The following RALGPS2 variants were observed in gnomAD, a reference collection of about 807,000 sequenced individuals.
RALGPS2 encodes ras-specific guanine nucleotide-releasing factor RalGPS2.
A neutral mutation model predicts 86.8 loss-of-function variants in RALGPS2; 43 were observed. The observed-to-expected ratio is 0.50, with a 90% CI of 0.39 to 0.64. The LOEUF (loss-of-function observed/expected upper bound fraction) is 0.64. Ranked by LOEUF, RALGPS2 falls within the 30% of genes least tolerant of loss-of-function variation. RALGPS2 has a pLI of 0.00. For synonymous variants in RALGPS2, 243 were observed against 231.3 expected (o/e 1.05, Z -0.46); for missense variants, 536 against 694.6 (o/e 0.77, Z 2.57).
chr1:178,838,631 A>G (rs1303492298), intron 8 of RALGPS2, among the ~76,000 whole-genome samples: 1 of 152,142 alleles, frequency 6.6e-6, no homozygotes, highest in Non-Finnish European at 1.5e-5. Flanking sequence ...CTCCAAAGGA[A>G]TGCTTGCCAG....
At chr1:178,728,997 A>G (rs896256686) in intron 1 of RALGPS2, among the ~76,000 whole-genome samples, 2 of 152,230 alleles carry the variant, frequency 1.3e-5, no homozygotes, top group African/African-American at 4.8e-5. Context: ...AGCAGTGTTC[A>G]TATGACTTAG....
intron 4 of RALGPS2, among the ~76,000 whole-genome samples, chr1:178,787,811 C>G (rs1288074735): frequency 6.6e-6 from 1 of 152,130 alleles, no homozygotes; most frequent in African/African-American, 2.4e-5. Context: ...TGTCTTCTCT[C>G]AAGTGAATTA....
chr1:178,884,518 T>A (rs1659393850), intron 11 of RALGPS2, among the ~76,000 whole-genome samples: 1 of 152,144 alleles, frequency 6.6e-6, no homozygotes, highest in Non-Finnish European at 1.5e-5. Flanking sequence ...GGGAAGAATA[T>A]TCCAAGCAGA....
intron 4 of RALGPS2, among the ~76,000 whole-genome samples, chr1:178,796,868 A>G (rs1042096973): frequency 6.6e-6 from 1 of 152,194 alleles, no homozygotes; most frequent in Non-Finnish European, 1.5e-5. Flanking sequence ...AAAATTAATC[A>G]ATGAATATTC....
intron 15 of RALGPS2, 88 bp downstream of exon 15, chr1:178,892,395 T>C: frequency 1.8e-6 from 2 of 1,093,178 alleles, no homozygotes; most frequent in Non-Finnish European, 2.7e-6. Context: ...GTTATTTCTT[T>C]TCTTTCTCAA....
intron 7 of RALGPS2, among the ~76,000 whole-genome samples, chr1:178,822,883 G>A (rs772509849): frequency 1.2e-4 from 19 of 152,044 alleles, no homozygotes; most frequent in Non-Finnish European, 2.9e-5. Context: ...AGTGTAGCAC[G>A]ATCATAGCTT....
rs759554690 is a variant in RALGPS2 at position 178,908,747 on chromosome 1, CT to C, written c.1722+1885del. Among the ~76,000 whole-genome samples the C allele has an allele frequency of 3.7e-4, 57 of 152,150 alleles. 1 individual carries two copies. The highest frequency in any genetic ancestry group is 1.6e-4 in the Non-Finnish European group (11 of 68,014). ...AGTGTCTGTTCATGTCCTTTGCCCA[CT>C]TTTTAATGGGGTTGTTTTTTGCCTG... On this transcript the variant is annotated intron_variant, in intron 19 of 19. Coordinates refer to ENST00000367635, the MANE Select transcript of RALGPS2 (RefSeq NM_152663.5).
chr1:178,898,742 C>G (rs1194079369), intron 17 of RALGPS2, among the ~76,000 whole-genome samples: 1 of 151,810 alleles, frequency 6.6e-6, no homozygotes, highest in Non-Finnish European at 1.5e-5. Flanking sequence ...CTTTTTTGCT[C>G]ACTATTATTA....
intron 8 of RALGPS2, among the ~76,000 whole-genome samples, chr1:178,854,158 G>A (rs964067273): frequency 3.3e-5 from 5 of 151,994 alleles, no homozygotes; most frequent in Admixed American, 1.3e-4. Context: ...GAGGTTTTAT[G>A]GATTTTTGCT....
intron 2 of RALGPS2, among the ~76,000 whole-genome samples, chr1:178,781,024 A>T (rs1317140617): frequency 6.6e-6 from 1 of 151,714 alleles, no homozygotes; most frequent in Admixed American, 6.6e-5. Context: ...ATATATATAT[A>T]TATGTATGTG....
intron 17 of RALGPS2, among the ~76,000 whole-genome samples, chr1:178,900,432 G>A (rs1660118442): frequency 6.6e-6 from 1 of 151,788 alleles, no homozygotes; most frequent in Non-Finnish European, 1.5e-5. Context: ...CATGATATGG[G>A]GAAACAGACT....
At position 178,767,262 on chromosome 1, in the gene RALGPS2, A is replaced by G. The variant is rs189362921; in HGVS notation, c.-83-9420A>G. Among the ~76,000 whole-genome samples the G allele has an allele frequency of 1.3e-4, 20 of 152,210 alleles. 1 individual carries two copies. The East Asian group carries it at 3.5e-3, about 26-fold the overall frequency. On this transcript the variant is annotated intron_variant, in intron 1 of 19. Coordinates refer to ENST00000367635, the MANE Select transcript of RALGPS2 (RefSeq NM_152663.5). ...TGGGGAACCAATGTAGTTGGAGTTA[A>G]GACAGGACAGTCTGGCCTTTTGAGT... is the stretch of plus-strand genomic sequence containing the variant.
intron 1 of RALGPS2, among the ~76,000 whole-genome samples, chr1:178,736,111 GTA>G (rs1558094420): frequency 6.6e-6 from 1 of 150,888 alleles, no homozygotes; most frequent in Non-Finnish European, 1.5e-5. Flanking sequence ...CTTTAAAAAC[GTA>G]TATATGTTGA....
intron 1 of RALGPS2, among the ~76,000 whole-genome samples, chr1:178,773,686 C>T (rs947761420): frequency 6.6e-5 from 10 of 151,684 alleles, no homozygotes; most frequent in Non-Finnish European, 4.4e-5. Context: ...GTCCCAGCTA[C>T]TCAGGAGGCT....
chr1:178,916,526 G>T lies in RALGPS2; in HGVS notation c.*167G>T. ...GCACTAATTTCAGGGAATGATTTGA[G>T]ATATTCCCAGAGAACAAATTGGAGT... On this transcript the variant is annotated 3_prime_UTR_variant, in exon 20 of 20. Transcript: ENST00000367635. 1 of 599,048 alleles carries T rather than the reference G, an allele frequency of 1.7e-6. No individual in the cohort carries two copies. Among genetic ancestry groups the T allele is most frequent in the African/African-American group, 1.9e-5 (1 of 53,176 alleles). The allele number at this position is 599,048 out of a possible 1,614,324, so 37.1% of individuals were successfully genotyped here.
At chr1:178,832,539 TAATA>T (rs1656077866) in intron 7 of RALGPS2, among the ~76,000 whole-genome samples, 1 of 152,150 alleles carries the variant, frequency 6.6e-6, no homozygotes, top group Non-Finnish European at 1.5e-5. Flanking sequence ...ATCTCTAAAT[TAATA>T]CTCATACTTT....
At chr1:178,817,482 A>G (rs1655288817) in intron 6 of RALGPS2, among the ~76,000 whole-genome samples, 1 of 150,422 alleles carries the variant, frequency 6.6e-6, no homozygotes, top group Admixed American at 6.6e-5. Context: ...CCTTTGATTT[A>G]TTTGTCTATT....
intron 11 of RALGPS2, 64 bp downstream of exon 11, chr1:178,883,597 C>T: frequency 1.6e-6 from 2 of 1,253,214 alleles, no homozygotes; most frequent in Non-Finnish European, 2.3e-6. Context: ...GAAGAATATA[C>T]TCCAAAGTAA....
chr1:178,741,489 ACTTG>A (rs1457278495), intron 1 of RALGPS2, among the ~76,000 whole-genome samples: 13 of 152,146 alleles, frequency 8.5e-5, no homozygotes, highest in African/African-American at 3.1e-4. Context: ...TTTTTCTAGT[ACTTG>A]CTTCTCTCCC....
Sources: gnomAD v4.1 joint callset for allele counts (sites outside exome capture counted in the v4.1 genomes callset) on GRCh38, gnomAD v4.1.1 for gene constraint, MANE v1.5 for transcripts, NCBI Gene and HGNC (gene_info 2026-07-23, HGNC 2026-07-21) for gene names.